Variants in NALCN observed in about 807,000 individuals in gnomAD.
NALCN encodes sodium leak channel NALCN.
In NALCN, 111 loss-of-function variants were observed where a neutral mutation model predicts 225.3. The observed-to-expected ratio is 0.49, with a 90% CI of 0.42 to 0.58. The LOEUF (loss-of-function observed/expected upper bound fraction) is 0.58. Ranked by LOEUF, NALCN falls within the 20% of genes least tolerant of loss-of-function variation. The pLI, the probability that NALCN is intolerant of heterozygous loss-of-function variation, is 0.00. For synonymous variants in NALCN, 764 were observed against 769.0 expected (o/e 0.99, Z 0.11); for missense variants, 1,378 against 2,202.4 (o/e 0.63, Z 7.49).
At chr13:101,369,016 C>T (rs1342254508) in intron 6 of NALCN, 5 of 362,626 alleles carry the variant, frequency 1.4e-5, no homozygotes, top group African/African-American at 1.1e-4. Flanking sequence ...AAAAAAACAA[C>T]AACAAAAAAG....
intron 32 of NALCN, 75 bp from the exon 33 acceptor site, chr13:101,082,958 T>C: frequency 1.3e-6 from 2 of 1,585,894 alleles, no homozygotes; most frequent in Non-Finnish European, 1.7e-6. Flanking sequence ...TTCTGCCCAC[T>C]TTGCCATTGA....
intron 10 of NALCN, among the ~76,000 whole-genome samples, chr13:101,279,019 C>A (rs2043057804): frequency 6.6e-6 from 1 of 152,180 alleles, no homozygotes; most frequent in Non-Finnish European, 1.5e-5. Flanking sequence ...CATAATTGAT[C>A]ATCTCTCATG....
intron 3 of NALCN, 89 bp downstream of exon 3, chr13:101,395,094 T>G: frequency 7.7e-7 from 1 of 1,305,764 alleles, no homozygotes; most frequent in Non-Finnish European, 1.0e-6. Context: ...ATGTTTTGTT[T>G]TACTGAAATG....
intron 3 of NALCN, 117 bp downstream of exon 3, chr13:101,395,066 T>C: frequency 1.0e-6 from 1 of 965,348 alleles, no homozygotes; most frequent in Non-Finnish European, 1.5e-6. Context: ...AGGACTTCCA[T>C]ATGTATAAGA....
rs1440153688 is a variant in NALCN at position 101,089,687 on chromosome 13, A to T, written c.3465T>A (p.Val1155=). ...CCTTGTTTTCATTGAAATTAGCAAT[A>T]ACTACTCCAACAAAAAGGGTCAGTC... ...MIGLTLFVGV[V]IANFNENKGT... is the part of the protein sequence containing the mutation. Residue 1155 remains valine, a synonymous_variant, in exon 30 of 44, where the codon GTT becomes GTA. Coordinates refer to ENST00000251127, the MANE Select transcript of NALCN (RefSeq NM_052867.4). This position sits in a 1 kb window ranked among gnomAD's most constrained non-coding sequence, Gnocchi z 4.7. 6.2e-7 allele frequency: 1 copy of T among 1,613,898 alleles called. No homozygotes were observed. The highest frequency in any genetic ancestry group is 1.3e-5 in the African/African-American group (1 of 74,926).
At chr13:101,374,776 A>G (rs1246587628) in intron 6 of NALCN, among the ~76,000 whole-genome samples, 1 of 152,158 alleles carries the variant, frequency 6.6e-6, no homozygotes, top group African/African-American at 2.4e-5. Context: ...TGGTCTGAAA[A>G]CACGTGGAAA....
intron 2 of NALCN, among the ~76,000 whole-genome samples, chr13:101,398,805 G>A (rs2047386497): frequency 6.6e-6 from 1 of 151,924 alleles, no homozygotes; most frequent in South Asian, 2.1e-4. Flanking sequence ...GGAGGGGAGG[G>A]GATCAGACTA....
At chr13:101,339,943 T>C (rs542001077) in intron 7 of NALCN, among the ~76,000 whole-genome samples, 2 of 152,114 alleles carry the variant, frequency 1.3e-5, no homozygotes, top group East Asian at 3.9e-4. Context: ...ATGGGAGATA[T>C]GAGTTAACAT....
intron 7 of NALCN, among the ~76,000 whole-genome samples, chr13:101,309,357 T>G (rs2044260751): frequency 1.3e-5 from 2 of 152,192 alleles, no homozygotes; most frequent in Admixed American, 1.3e-4. Context: ...AGTACTGGAA[T>G]AGGAAGTATT....
chr13:101,064,307 C>T (rs192913821), intron 40 of NALCN, among the ~76,000 whole-genome samples: 2 of 152,190 alleles, frequency 1.3e-5, no homozygotes, highest in Admixed American at 1.3e-4. Context: ...ATTGTTTCCC[C>T]CTTGCAAGTC....
chr13:101,272,234 T>C (rs1320484325), intron 10 of NALCN, among the ~76,000 whole-genome samples: 2 of 152,120 alleles, frequency 1.3e-5, no homozygotes, highest in African/African-American at 2.4e-5. Context: ...TGTGAGCCTG[T>C]ATGAGTGTGT....
intron 39 of NALCN, 62 bp downstream of exon 39, chr13:101,067,856 G>C: frequency 8.7e-7 from 1 of 1,145,998 alleles, no homozygotes; most frequent in Non-Finnish European, 1.3e-6. Context: ...CCATTTAAGT[G>C]TTTGAGACAT....
intron 37 of NALCN, among the ~76,000 whole-genome samples, chr13:101,071,279 G>GA (rs1464636155): frequency 6.6e-6 from 1 of 152,202 alleles, no homozygotes; most frequent in Non-Finnish European, 1.5e-5. Context: ...TCTGTTATTT[G>GA]AAGCTTTGAA....
At chr13:101,388,180 G>C (rs550241464) in intron 3 of NALCN, among the ~76,000 whole-genome samples, 1 of 152,220 alleles carries the variant, frequency 6.6e-6, no homozygotes, top group Non-Finnish European at 1.5e-5. Context: ...TACATTTAAA[G>C]CTTGGTTCAG....
At chr13:101,326,904 C>T (rs1008011119) in intron 7 of NALCN, among the ~76,000 whole-genome samples, 6 of 152,164 alleles carry the variant, frequency 3.9e-5, no homozygotes, top group Non-Finnish European at 7.3e-5. Context: ...GCCTCTTCTC[C>T]TTTTCTAGGC....
chr13:101,236,940 A>T (rs9557600), intron 12 of NALCN, among the ~76,000 whole-genome samples: 2 of 143,348 alleles, frequency 1.4e-5, no homozygotes, highest in African/African-American at 2.6e-5. Context: ...TAAAATAAAA[A>T]ATAAAATAAT....
chr13:101,230,832 G>A (rs561141449), intron 12 of NALCN, among the ~76,000 whole-genome samples: 25 of 140,676 alleles, frequency 1.8e-4, no homozygotes, highest in South Asian at 4.6e-4. Context: ...ATATATACAC[G>A]CATGTATATG....
At chr13:101,088,298 G>C (rs1216596060) in intron 30 of NALCN, among the ~76,000 whole-genome samples, 1 of 152,168 alleles carries the variant, frequency 6.6e-6, no homozygotes, top group Admixed American at 6.5e-5. Flanking sequence ...CCTGAGGACA[G>C]TGAATGACAG....
intron 13 of NALCN, among the ~76,000 whole-genome samples, chr13:101,215,129 A>G (rs191382064): frequency 6.6e-6 from 1 of 152,270 alleles, no homozygotes; most frequent in East Asian, 1.9e-4. Flanking sequence ...GGTAAAGTAG[A>G]GAATACTCTC....
Sources: allele counts gnomAD v4.1 joint callset (sites outside exome capture counted in the v4.1 genomes callset), GRCh38; gene constraint gnomAD v4.1.1; non-coding constraint Gnocchi (gnomAD v3.1); transcripts MANE v1.5; gene names NCBI Gene and HGNC (gene_info 2026-07-23, HGNC 2026-07-21).